E2F5: variants seen among roughly 807,000 people sequenced by gnomAD.
E2F5 encodes E2F transcription factor 5, also known as transcription factor E2F5.
In E2F5, 23 loss-of-function variants were observed where a neutral mutation model predicts 39.1. The ratio of observed to expected loss-of-function variants is 0.59; its 90% CI spans 0.42 to 0.83. E2F5 has a LOEUF of 0.83. Ranked by LOEUF, E2F5 falls within the 40% of genes least tolerant of loss-of-function variation. E2F5 has a pLI of 0.00. For synonymous variants in E2F5, 145 were observed against 157.8 expected (o/e 0.92, Z 0.61); for missense variants, 365 against 406.7 (o/e 0.90, Z 0.88).
intron 2 of E2F5, 103 bp from the exon 3 acceptor site, chr8:85,202,991 G>C (rs1221142013): frequency 3.4e-6 from 3 of 880,902 alleles, no homozygotes; most frequent in Non-Finnish European, 4.6e-6. Context: ...AAAGACTTCT[G>C]TCTTGAATAT....
intron 1 of E2F5, 33 bp downstream of exon 1, chr8:85,177,687 TC>T: frequency 4.0e-6 from 5 of 1,246,160 alleles, no homozygotes; most frequent in Non-Finnish European, 5.0e-6. Flanking sequence ...GGGGCGGACT[TC>T]GGAACCCGTG....
In E2F5 at chr8:85,214,295, T is replaced by C. The variant is rs965404265; in HGVS notation, c.*433T>C. On this transcript the variant is annotated 3_prime_UTR_variant, in exon 8 of 8. Transcript: ENST00000416274. ...TATCCAAACAGACGTTCACTGCCACTTGTAAAGTGAAGGATGTAAACGAGG... is the reference window on the plus strand; with the variant it reads ...TATCCAAACAGACGTTCACTGCCACCTGTAAAGTGAAGGATGTAAACGAGG... 3 of 578,948 alleles carry C rather than the reference T, an allele frequency of 5.2e-6. No individual in the cohort carries two copies. The highest frequency in any genetic ancestry group is 9.4e-6 in the Non-Finnish European group (3 of 318,480). 35.9% of individuals were successfully genotyped at this position (578,948 alleles called of 1,614,324 possible).
At chr8:85,187,906 G>GTT (rs1055730107) in intron 1 of E2F5, 13 of 152,060 alleles carry the variant, frequency 8.5e-5, no homozygotes, top group Admixed American at 4.6e-4. Flanking sequence ...CTAGTGGTAT[G>GTT]TTTTGATTCC....
At chr8:85,193,792 A>G (rs1198084843) in intron 1 of E2F5, among the ~76,000 whole-genome samples, 1 of 152,072 alleles carries the variant, frequency 6.6e-6, no homozygotes, top group South Asian at 2.1e-4. Context: ...CATTCATATT[A>G]TTGCATGTAC....
At position 85,209,345 on chromosome 8, in the gene E2F5, T is replaced by C; in HGVS notation, c.819T>C (p.Pro273=). ...CCAGCATGGCAACTCAAAATCTGCCTGAGCAACATGTCTCTGAAAGAAGCC... is the reference window on the plus strand; with the variant it reads ...CCAGCATGGCAACTCAAAATCTGCCCGAGCAACATGTCTCTGAAAGAAGCC... ...QKSSMATQNL[P]EQHVSERSQA... The change falls in exon 6 of 8, where the codon CCT becomes CCC. Residue 273 remains proline (P), a synonymous_variant. Transcript: ENST00000416274. 1 of 1,614,010 alleles carries C rather than the reference T, an allele frequency of 6.2e-7. No homozygotes were observed. Among genetic ancestry groups the C allele is most frequent in the Non-Finnish European group, 8.5e-7 (1 of 1,179,882 alleles).
At chr8:85,182,399 AAGTG>A (rs1486653471) in intron 1 of E2F5, among the ~76,000 whole-genome samples, 1 of 152,254 alleles carries the variant, frequency 6.6e-6, no homozygotes, top group African/African-American at 2.4e-5. Context: ...GTACAGTAGA[AAGTG>A]AGAGCTAAGA....
chr8:85,189,595 A>G (rs1311052599), intron 1 of E2F5, among the ~76,000 whole-genome samples: 2 of 152,020 alleles, frequency 1.3e-5, no homozygotes, highest in East Asian at 1.9e-4. Flanking sequence ...TTTTAAAGTC[A>G]TGGCCCCAAG....
At chr8:85,210,716 C>T (rs941914710) in intron 6 of E2F5, among the ~76,000 whole-genome samples, 1 of 151,226 alleles carries the variant, frequency 6.6e-6, no homozygotes, top group African/African-American at 2.4e-5. Context: ...AAAAAGCTTA[C>T]AATCTAATTA....
At chr8:85,190,724 G>A (rs1175104971) in intron 1 of E2F5, among the ~76,000 whole-genome samples, 1 of 151,724 alleles carries the variant, frequency 6.6e-6, no homozygotes, top group African/African-American at 2.4e-5. Flanking sequence ...GGCTGGTCTC[G>A]AACTCCTGAC....
At chr8:85,182,817 A>G (rs895701033) in intron 1 of E2F5, among the ~76,000 whole-genome samples, 7 of 152,204 alleles carry the variant, frequency 4.6e-5, no homozygotes, top group Admixed American at 3.9e-4. Flanking sequence ...CTCTTTTATT[A>G]TAATTCTTTA....
At chr8:85,206,302 T>A in intron 4 of E2F5, 82 bp downstream of exon 4, 4 of 1,354,924 alleles carry the variant, frequency 3.0e-6, no homozygotes, top group Non-Finnish European at 4.2e-6. Flanking sequence ...TGTGTCCTCA[T>A]CCTGTCATTA....
chr8:85,204,210 G>T (rs1429582277), intron 3 of E2F5, among the ~76,000 whole-genome samples: 3 of 152,024 alleles, frequency 2.0e-5, no homozygotes, highest in Non-Finnish European at 4.4e-5. Context: ...GGACTTCGCT[G>T]CCCTGCTTTA....
Position 85,186,913 on chromosome 8 carries a change from G to A in E2F5, c.234+9259G>A, listed in dbSNP as rs1219311016. 4.7e-5 allele frequency among the ~76,000 whole-genome samples: 7 copies of A among 149,242 alleles called. No homozygotes were observed. The South Asian group carries it at 1.3e-3, about 27-fold the overall frequency. On this transcript the variant is annotated intron_variant, in intron 1 of 7. Transcript: ENST00000416274. Reference sequence around the variant, plus strand: ...TATATATGTAAGGTATATATATGGTGTGTATATATATAAATTCCTCCTTAG... The same window carrying A: ...TATATATGTAAGGTATATATATGGTATGTATATATATAAATTCCTCCTTAG...
At chr8:85,195,107 G>A (rs1014284926) in intron 1 of E2F5, among the ~76,000 whole-genome samples, 13 of 151,832 alleles carry the variant, frequency 8.6e-5, no homozygotes, top group African/African-American at 1.5e-4. Context: ...TATGGAGGCC[G>A]GGCACAGTGG....
chr8:85,196,715 T>C (rs1044469574), intron 1 of E2F5, among the ~76,000 whole-genome samples: 2 of 152,218 alleles, frequency 1.3e-5, no homozygotes, highest in African/African-American at 4.8e-5. Context: ...CTGTTTCCAG[T>C]ATAACAGGGA....
At chr8:85,195,127 G>A (rs1299780856) in intron 1 of E2F5, among the ~76,000 whole-genome samples, 1 of 151,880 alleles carries the variant, frequency 6.6e-6, no homozygotes, top group Non-Finnish European at 1.5e-5. Flanking sequence ...GCTTACGTCT[G>A]TAATCCCAGC....
rs4150861 is a variant in E2F5, at chr8:85,186,460, C to CA, written c.234+8810dup. Among the ~76,000 whole-genome samples, 29 of 151,480 alleles carry CA rather than the reference C, an allele frequency of 1.9e-4. No homozygotes were observed. In the East Asian group the frequency reaches 5.6e-3, roughly 29 times the overall value. On this transcript the variant is annotated intron_variant, in intron 1 of 7. Transcript: ENST00000416274. ...CCATGGCACATGTATACCTATGTAA[C>CA]AAAACTGCACGTTCTGCACATGTAC...
At chr8:85,213,246 A>G (rs952331657) in intron 7 of E2F5, 2 of 152,152 alleles carry the variant, frequency 1.3e-5, no homozygotes, top group Admixed American at 1.3e-4. Context: ...TTCAACCAAT[A>G]AAAAATTTAA....
chr8:85,190,260 A>C (rs1273247963), intron 1 of E2F5, among the ~76,000 whole-genome samples: 3 of 150,736 alleles, frequency 2.0e-5, no homozygotes, highest in South Asian at 2.1e-4. Context: ...ACACACACAC[A>C]CCCCACCACC....
Sources: allele counts gnomAD v4.1 joint callset (sites outside exome capture counted in the v4.1 genomes callset), GRCh38; gene constraint gnomAD v4.1.1; transcripts MANE v1.5; gene names NCBI Gene and HGNC (gene_info 2026-07-23, HGNC 2026-07-21).